The following ANK3 variants were observed in gnomAD, a reference collection of about 807,000 sequenced individuals.
ANK3 encodes the protein ankyrin-3.
Under a neutral mutation model 370.9 loss-of-function variants are expected in ANK3, and 57 were observed. That is an observed-to-expected ratio of 0.15 (90% CI 0.12 to 0.19). ANK3 has a LOEUF of 0.19. Among genes scored for constraint, ANK3 ranks in the 10% least tolerant of loss-of-function variants. ANK3 has a pLI of 1.00. For synonymous variants in ANK3, 1,929 were observed against 1,946.3 expected, an observed-to-expected ratio of 0.99 and a Z score of 0.23; for missense variants, 4,439 against 5,302.1, an observed-to-expected ratio of 0.84 and a Z score of 5.06.
Position 60,068,844 on chromosome 10 carries a change from G to A in ANK3, c.12037C>T (p.Arg4013Cys), listed in dbSNP as rs755321457. 9.3e-6 allele frequency: 15 copies of A among 1,613,890 alleles called. No homozygotes were observed. The highest frequency in any genetic ancestry group is 6.7e-5 in the East Asian group (3 of 44,884). ...ISGETLKLVD[R>C]LSEEEKKMQS... is the part of the protein sequence containing the mutation. Reference sequence around the variant, plus strand: ...ATCTTTTTTTCTTCTTCAGAGAGGCGGTCCACAAGCTTTAAGGTCTCACCA... The same window carrying A: ...ATCTTTTTTTCTTCTTCAGAGAGGCAGTCCACAAGCTTTAAGGTCTCACCA... Residue 4013 changes from arginine to cysteine, a missense_variant, in exon 37 of 44, where the codon CGC (arginine) becomes TGC (cysteine). By Grantham distance (180) the Arg-to-Cys change is radical (BLOSUM62 -3). This residue lies in a region of ANK3 where 496 missense variants were observed against 529.3 expected (regional missense o/e 0.94). Transcript: ENST00000280772.
chr10:60,111,714 A>G (rs1351773980), intron 26 of ANK3: 1 of 454,164 alleles, frequency 2.2e-6, no homozygotes, highest in Non-Finnish European at 4.4e-6. Flanking sequence ...GATGGTTCAC[A>G]TAAAGGACAC....
intron 2 of ANK3, among the ~76,000 whole-genome samples, chr10:60,607,269 T>C (rs1427237891): frequency 1.3e-5 from 2 of 152,084 alleles, no homozygotes; most frequent in African/African-American, 4.8e-5. Context: ...ATTTTGCAGA[T>C]AGATAACCAG....
chr10:60,584,443 ACT>A (rs1478997173), intron 2 of ANK3, among the ~76,000 whole-genome samples: 2 of 42,612 alleles, frequency 4.7e-5, no homozygotes, highest in Non-Finnish European at 8.9e-5. Flanking sequence ...ACAAAGAAAG[ACT>A]CTGTCTCCAC....
intron 1 of ANK3, among the ~76,000 whole-genome samples, chr10:60,279,985 T>C (rs538415086): frequency 6.6e-6 from 1 of 152,352 alleles, no homozygotes; most frequent in East Asian, 1.9e-4. Flanking sequence ...ACTATTTTCT[T>C]GTAGCAGAAA....
At chr10:60,375,031 G>A (rs1594734775) in intron 1 of ANK3, among the ~76,000 whole-genome samples, 6 of 152,108 alleles carry the variant, frequency 3.9e-5, no homozygotes, top group Admixed American at 2.0e-4. Context: ...AAGAAGTGAC[G>A]TATATACACG....
chr10:60,306,451 A>ATC (rs1389219888), intron 1 of ANK3, among the ~76,000 whole-genome samples: 2 of 28,176 alleles, frequency 7.1e-5, no homozygotes. Context: ...ATATATATAT[A>ATC]TATCTATCTT....
At chr10:60,376,273 C>T (rs1447827756) in intron 1 of ANK3, among the ~76,000 whole-genome samples, 11 of 152,138 alleles carry the variant, frequency 7.2e-5, no homozygotes, top group Admixed American at 2.0e-4. Flanking sequence ...CAATGCAGAT[C>T]GTATTAATAA....
At chr10:60,216,889 T>G (rs1050733985) in intron 8 of ANK3, among the ~76,000 whole-genome samples, 1 of 152,128 alleles carries the variant, frequency 6.6e-6, no homozygotes, top group Non-Finnish European at 1.5e-5. Context: ...TAAATCCATC[T>G]GGGGCCTGGG....
At chr10:60,477,286 G>T (rs932039928) in intron 2 of ANK3, among the ~76,000 whole-genome samples, 1 of 151,874 alleles carries the variant, frequency 6.6e-6, no homozygotes, top group African/African-American at 2.4e-5. Context: ...TTTCTGTCTG[G>T]AAAAAGGAAA....
intron 2 of ANK3, among the ~76,000 whole-genome samples, chr10:60,537,410 A>G (rs2076748861): frequency 6.6e-6 from 1 of 152,018 alleles, no homozygotes; most frequent in African/African-American, 2.4e-5. Flanking sequence ...ATACTTTTAA[A>G]GTGGACAGTA....
Position 60,389,727 on chromosome 10 carries a change from G to A in ANK3, c.-189C>T, listed in dbSNP as rs1173787920. ...AGCTTTTAAAAACCCAAATGATGGT[G>A]TCCGGACTTCATCCTACACCTTCCT... is the stretch of plus-strand genomic sequence containing the variant. On this transcript the variant is annotated 5_prime_UTR_variant, in exon 1 of 44. Coordinates refer to ENST00000280772, the MANE Select transcript of ANK3 (RefSeq NM_020987.5). 2.1e-6 allele frequency: 3 copies of A among 1,427,796 alleles called. No individual in the cohort carries two copies. The highest frequency in any genetic ancestry group is 2.9e-5 in the African/African-American group (2 of 69,384). 88.4% of individuals were successfully genotyped at this position (1,427,796 alleles called of 1,614,324 possible). A position where few individuals can be genotyped will look rare whatever the true frequency, so the allele number is the denominator to read the frequency against.
intron 1 of ANK3, among the ~76,000 whole-genome samples, chr10:60,622,857 C>T (rs886266841): frequency 2.0e-5 from 3 of 152,128 alleles, no homozygotes; most frequent in Non-Finnish European, 4.4e-5. Context: ...AGGTTAGATT[C>T]TACAAAATCC....
At chr10:60,192,335 A>C (rs539861164) in intron 16 of ANK3, among the ~76,000 whole-genome samples, 268 of 151,504 alleles carry the variant, frequency 1.8e-3, no homozygotes, top group African/African-American at 6.2e-3. Flanking sequence ...ATATATGTAT[A>C]TACTATATGT....
chr10:60,059,746 G>A, intron 40 of ANK3: 1 of 1,614,020 alleles, frequency 6.2e-7, no homozygotes, highest in Non-Finnish European at 8.5e-7. Flanking sequence ...ACTGCTTCAG[G>A]CATTTCTGTT....
rs12269384 is a variant in ANK3, at chr10:60,724,895, T to C, written c.57+8368A>G. ...TCAAACAGTATCAAATAACAACGTG[T>C]TGTCTAGTTTTGTTTAACTTCACCA... On this transcript the variant is annotated intron_variant, in intron 1 of 43. Transcript: ENST00000373827. Among the ~76,000 whole-genome samples, 593 of 152,332 alleles carry C rather than the reference T, an allele frequency of 3.9e-3. 5 individuals are homozygous for C. The highest frequency in any genetic ancestry group is 0.014 in the African/African-American group (577 of 41,572).
chr10:60,248,817 T>G (rs2097596560), intron 7 of ANK3, among the ~76,000 whole-genome samples: 1 of 152,252 alleles, frequency 6.6e-6, no homozygotes, highest in Non-Finnish European at 1.5e-5. Flanking sequence ...GCTGTGCTCT[T>G]TCCTGTGGGT....
intron 1 of ANK3, among the ~76,000 whole-genome samples, chr10:60,726,699 T>A (rs1429564808): frequency 6.6e-6 from 1 of 152,108 alleles, no homozygotes; most frequent in African/African-American, 2.4e-5. Flanking sequence ...GTGATAGAAA[T>A]TTTCTAAAAT....
At chr10:60,363,177 T>G (rs1395020856) in intron 1 of ANK3, among the ~76,000 whole-genome samples, 4 of 152,128 alleles carry the variant, frequency 2.6e-5, no homozygotes, top group Non-Finnish European at 5.9e-5. Flanking sequence ...GGCATCTGCT[T>G]TTTTTGATAA....
At chr10:60,681,476 C>T (rs912686261) in intron 1 of ANK3, among the ~76,000 whole-genome samples, 2 of 152,272 alleles carry the variant, frequency 1.3e-5, no homozygotes, top group Admixed American at 6.5e-5. Flanking sequence ...ATCATTTTCT[C>T]TGGAACACTC....
Sources: allele counts gnomAD v4.1 joint callset (sites outside exome capture counted in the v4.1 genomes callset), GRCh38; gene constraint gnomAD v4.1.1; regional missense constraint gnomAD v4.1.1; transcripts MANE v1.5; gene names NCBI Gene and HGNC (gene_info 2026-07-23, HGNC 2026-07-21).